ANK1: variants seen among roughly 807,000 people sequenced by gnomAD.
ANK1 encodes ankyrin 1.
A neutral mutation model predicts 210.4 loss-of-function variants in ANK1; 51 were observed. The observed-to-expected ratio is 0.24, with a 90% CI of 0.19 to 0.31. The LOEUF (loss-of-function observed/expected upper bound fraction) is 0.31. ANK1 is among the 10% of genes least tolerant of loss of function. The pLI is 1.00. For synonymous variants in ANK1, 967 were observed against 1,025.9 expected, an observed-to-expected ratio of 0.94 and a Z score of 1.10; for missense variants, 2,051 against 2,504.4, an observed-to-expected ratio of 0.82 and a Z score of 3.86.
At chr8:41,856,874 C>CTTTTTTTTTTTTTTTTTTTTTTTTTT (rs35341809) in intron 1 of ANK1, among the ~76,000 whole-genome samples, 2 of 95,248 alleles carry the variant, frequency 2.1e-5, no homozygotes, top group African/African-American at 9.6e-5. Flanking sequence ...TAACAGCCCT[C>CTTTTTTTTTTTTTTTTTTTTTTTTTT]TTTTTTTTTT....
intron 1 of ANK1, among the ~76,000 whole-genome samples, chr8:41,822,393 G>A (rs1438646152): frequency 1.3e-5 from 2 of 152,284 alleles, no homozygotes; most frequent in East Asian, 3.9e-4. Context: ...AGGTGGATCC[G>A]TTTGGCAGAG....
At chr8:41,839,824 A>G (rs952933944) in intron 1 of ANK1, among the ~76,000 whole-genome samples, 2 of 152,208 alleles carry the variant, frequency 1.3e-5, no homozygotes, top group Non-Finnish European at 2.9e-5. Context: ...ACCCTAGGAC[A>G]GCAAAAGGAC....
chr8:41,880,735 C>A (rs542306556), intron 1 of ANK1, among the ~76,000 whole-genome samples: 5 of 152,224 alleles, frequency 3.3e-5, no homozygotes, highest in Admixed American at 3.3e-4. Context: ...TTTCCTTGCA[C>A]CAGGTCCCAG....
intron 1 of ANK1, among the ~76,000 whole-genome samples, chr8:41,845,763 T>C (rs1809901067): frequency 6.6e-6 from 1 of 152,188 alleles, no homozygotes; most frequent in Admixed American, 6.5e-5. Flanking sequence ...AATGTGTTTT[T>C]CTGTTCCCCT....
At chr8:41,856,178 T>A (rs1197153733) in intron 1 of ANK1, among the ~76,000 whole-genome samples, 1 of 152,228 alleles carries the variant, frequency 6.6e-6, no homozygotes, top group Non-Finnish European at 1.5e-5. Flanking sequence ...CCAGGGAAAA[T>A]GCACTTGTGC....
intron 1 of ANK1, among the ~76,000 whole-genome samples, chr8:41,806,355 G>C (rs1040359474): frequency 6.6e-6 from 1 of 152,066 alleles, no homozygotes; most frequent in Admixed American, 6.6e-5. Flanking sequence ...TGCATGCCCT[G>C]TTCTTTCCAC....
At chr8:41,673,306 G>A (rs1390819962) in intron 37 of ANK1, among the ~76,000 whole-genome samples, 1 of 152,136 alleles carries the variant, frequency 6.6e-6, no homozygotes, top group African/African-American at 2.4e-5. Context: ...TCCATGGCTG[G>A]GCAGAAGTAG....
At position 41,686,135 on chromosome 8, in the gene ANK1, A is replaced by C; in HGVS notation, c.4390+17T>G. 1 of 1,614,230 alleles carries C rather than the reference A, an allele frequency of 6.2e-7. No individual in the cohort carries two copies. Reference sequence around the variant, plus strand: ...AGGAGGTCCTAGGACAGGCTTCCTCAGTGGGACGGTACTGACTGTTTGCGT... The same window carrying C: ...AGGAGGTCCTAGGACAGGCTTCCTCCGTGGGACGGTACTGACTGTTTGCGT... On this transcript the variant is annotated intron_variant, in intron 36 of 42. Coordinates refer to ENST00000289734, the MANE Select transcript of ANK1 (RefSeq NM_000037.4).
intron 1 of ANK1, among the ~76,000 whole-genome samples, chr8:41,890,785 A>G (rs1819293510): frequency 6.6e-6 from 1 of 152,162 alleles, no homozygotes; most frequent in African/African-American, 2.4e-5. Context: ...TTTCAGTCAG[A>G]AGAATTCAAG....
intron 23 of ANK1, among the ~76,000 whole-genome samples, chr8:41,698,800 A>T: frequency 7.3e-6 from 1 of 137,354 alleles, no homozygotes; most frequent in South Asian, 2.4e-4. Context: ...CTTCCTCAAC[A>T]ATTTTTTTTT....
At chr8:41,845,425 A>C (rs1809830639) in intron 1 of ANK1, among the ~76,000 whole-genome samples, 1 of 151,526 alleles carries the variant, frequency 6.6e-6, no homozygotes, top group Admixed American at 6.6e-5. Context: ...TGAATTCCTG[A>C]ACCAATCGAC....
At chr8:41,797,671 C>A, upstream of ANK1, 12 of 1,368,208 alleles carry the variant, frequency 8.8e-6, no homozygotes, top group African/African-American at 1.5e-5. The surrounding 1 kb of genome is among the most constrained non-coding windows in gnomAD (Gnocchi z 4.0). Context: ...TTATCGGCCC[C>A]AGAGGCGCTT....
intron 1 of ANK1, among the ~76,000 whole-genome samples, chr8:41,865,718 T>TC (rs538778159): frequency 7.9e-5 from 12 of 151,456 alleles, no homozygotes; most frequent in South Asian, 4.2e-4. Flanking sequence ...CTCTCCCTCC[T>TC]CCCCCCAGCA....
In ANK1 at chr8:41,715,640, G is replaced by A. The variant is rs371625411; in HGVS notation, c.1602+12C>T. On this transcript the variant is annotated intron_variant, in intron 14 of 42. Coordinates refer to ENST00000289734, the MANE Select transcript of ANK1 (RefSeq NM_000037.4). ...CTGTTGCTTCCTTAGACCACGAGGC[G>A]GGAGGCTGTACCTTGGTCATGCAGG... 201 of 1,612,428 alleles carry A rather than the reference G, an allele frequency of 1.2e-4. No individual in the cohort carries two copies. Among genetic ancestry groups the A allele is most frequent in the Middle Eastern group, 2.0e-4 (1 of 5,062 alleles).
At chr8:41,754,150 G>A (rs534561083) in intron 2 of ANK1, among the ~76,000 whole-genome samples, 313 of 152,314 alleles carry the variant, frequency 2.1e-3, no homozygotes, top group Non-Finnish European at 3.9e-3. Context: ...GATAAGGAAC[G>A]TGACTTTAAA....
chr8:41,681,132 A>G (rs1247676407), intron 37 of ANK1, among the ~76,000 whole-genome samples: 2 of 152,202 alleles, frequency 1.3e-5, no homozygotes, highest in Non-Finnish European at 2.9e-5. Context: ...AATGGGCAAC[A>G]GGGGTCATCA....
At chr8:41,801,879 T>A (rs1348721635), upstream of ANK1, among the ~76,000 whole-genome samples, 1 of 152,208 alleles carries the variant, frequency 6.6e-6, no homozygotes, top group Non-Finnish European at 1.5e-5. Flanking sequence ...AATATGTTGA[T>A]CATTTTCTTT....
At chr8:41,718,275 A>T in intron 10 of ANK1, 71 bp from the exon 11 acceptor site, 1 of 1,493,890 alleles carries the variant, frequency 6.7e-7, no homozygotes, top group South Asian at 1.1e-5. Context: ...CCAGAAGACC[A>T]CCTGGCTGCT....
At chr8:41,705,009 C>T (rs982711527) in intron 18 of ANK1, among the ~76,000 whole-genome samples, 2 of 152,182 alleles carry the variant, frequency 1.3e-5, no homozygotes, top group African/African-American at 4.8e-5. Flanking sequence ...TGAAAAACCC[C>T]CAAAAGGCTG....
Sources: allele counts gnomAD v4.1 joint callset (sites outside exome capture counted in the v4.1 genomes callset), GRCh38; gene constraint gnomAD v4.1.1; non-coding constraint Gnocchi (gnomAD v3.1); transcripts MANE v1.5; gene names NCBI Gene and HGNC (gene_info 2026-07-23, HGNC 2026-07-21).